SLC25A13: variants seen among roughly 807,000 people sequenced by gnomAD.
The protein encoded by SLC25A13 is solute carrier family 25 member 13.
Under a neutral mutation model 85.5 loss-of-function variants are expected in SLC25A13, and 70 were observed. That is an observed-to-expected ratio of 0.82 (90% confidence interval 0.68 to 1.00). The LOEUF (loss-of-function observed/expected upper bound fraction) is 1.00, where lower values mean the gene tolerates loss of function less well. SLC25A13 is among the 50% of genes least tolerant of loss of function. SLC25A13 has a pLI of 0.00. For synonymous variants in SLC25A13, 259 were observed against 288.7 expected, an observed-to-expected ratio of 0.90 and a Z score of 1.04; for missense variants, 765 against 819.8, an observed-to-expected ratio of 0.93 and a Z score of 0.82.
chr7:96,184,248 C>G, intron 11 of SLC25A13, 29 bp downstream of exon 11: 1 of 1,613,592 alleles, frequency 6.2e-7, no homozygotes, highest in Non-Finnish European at 8.5e-7. Context: ...GTTATTTCAC[C>G]TAACAGGTAT....
At chr7:96,156,806 C>G (rs551475251) in intron 13 of SLC25A13, among the ~76,000 whole-genome samples, 2 of 152,136 alleles carry the variant, frequency 1.3e-5, no homozygotes, top group African/African-American at 4.8e-5. Context: ...CTCGGCCTAC[C>G]AAAGTGCTGG....
intron 12 of SLC25A13, 94 bp from the exon 13 acceptor site, chr7:96,170,219 T>TC: frequency 9.2e-7 from 1 of 1,087,096 alleles, no homozygotes; most frequent in Non-Finnish European, 1.4e-6. Flanking sequence ...GCTATTTTTT[T>TC]CTATCAGTCT....
intron 13 of SLC25A13, among the ~76,000 whole-genome samples, chr7:96,151,927 A>G (rs1483742483): frequency 6.6e-6 from 1 of 152,248 alleles, no homozygotes; most frequent in Non-Finnish European, 1.5e-5. Flanking sequence ...CCTGAGTGAC[A>G]AAGCAAGACT....
rs577055233 is a variant in SLC25A13 at position 96,191,140 on chromosome 7, A to C, written c.723T>G (p.Ala241=). ...ELIRKIYSTL[A]GTRKDVEVTK... ...TCACTTCAACATCTTTCCTGGTGCCAGCCAGAGTGCTATAGATCTTTCTAA... is the reference window on the plus strand; with the variant it reads ...TCACTTCAACATCTTTCCTGGTGCCCGCCAGAGTGCTATAGATCTTTCTAA... Residue 241 remains alanine (A), a synonymous_variant, in exon 7 of 18, where the codon GCT becomes GCG. Transcript: ENST00000265631. The C allele has an allele frequency of 3.1e-6, 5 of 1,614,006 alleles. No individual in the cohort carries two copies. Among genetic ancestry groups the C allele is most frequent in the Non-Finnish European group, 4.2e-6 (5 of 1,180,000 alleles).
intron 14 of SLC25A13, among the ~76,000 whole-genome samples, 178 bp downstream of exon 14, chr7:96,146,378 A>G (rs932388552): frequency 3.3e-5 from 5 of 152,088 alleles, no homozygotes; most frequent in Non-Finnish European, 7.4e-5. Flanking sequence ...GTTTTTTGGC[A>G]GATGGCAGGA....
At chr7:96,252,332 G>A (rs944017219) in intron 3 of SLC25A13, among the ~76,000 whole-genome samples, 2 of 152,276 alleles carry the variant, frequency 1.3e-5, no homozygotes, top group African/African-American at 4.8e-5. Context: ...AGAAAAGAAG[G>A]AAGCAAGGAT....
intron 3 of SLC25A13, among the ~76,000 whole-genome samples, chr7:96,272,248 A>G (rs946929596): frequency 6.6e-5 from 10 of 152,046 alleles, no homozygotes; most frequent in Admixed American, 2.6e-4. Flanking sequence ...AGGTCTTCCA[A>G]TTCTATCAAA....
intron 5 of SLC25A13, among the ~76,000 whole-genome samples, chr7:96,202,657 A>C (rs1472953827): frequency 6.6e-6 from 1 of 152,192 alleles, no homozygotes; most frequent in Non-Finnish European, 1.5e-5. Context: ...CAAAAAACCC[A>C]ACTATACAGG....
At chr7:96,204,922 T>C (rs1168946688) in intron 5 of SLC25A13, among the ~76,000 whole-genome samples, 3 of 152,172 alleles carry the variant, frequency 2.0e-5, no homozygotes, top group African/African-American at 7.2e-5. Context: ...TTTATTTATT[T>C]TTTTGAGACA....
At chr7:96,270,568 A>G (rs115488591) in intron 3 of SLC25A13, among the ~76,000 whole-genome samples, 3,167 of 152,116 alleles carry the variant, frequency 0.021, 73 homozygotes, top group African/African-American at 0.055. Context: ...AAAAAAAAAA[A>G]AGAGAAATAT....
intron 3 of SLC25A13, among the ~76,000 whole-genome samples, chr7:96,260,919 A>T (rs1797829238): frequency 6.6e-6 from 1 of 152,210 alleles, no homozygotes; most frequent in East Asian, 1.9e-4. Flanking sequence ...AAACCCTCCA[A>T]TGACTTCTAC....
chr7:96,281,335 G>A (rs1361799442), intron 2 of SLC25A13, among the ~76,000 whole-genome samples: 2 of 148,808 alleles, frequency 1.3e-5, no homozygotes, highest in Non-Finnish European at 3.0e-5. Context: ...AAGTTGCAGT[G>A]AGCTGAGACC....
At chr7:96,251,188 A>G (rs962652357) in intron 3 of SLC25A13, among the ~76,000 whole-genome samples, 2 of 152,198 alleles carry the variant, frequency 1.3e-5, no homozygotes, top group African/African-American at 4.8e-5. Flanking sequence ...GGTGGGACCA[A>G]GCACGGCAAG....
chr7:96,136,962 T>C (rs1213625823), intron 14 of SLC25A13, among the ~76,000 whole-genome samples: 2 of 152,206 alleles, frequency 1.3e-5, no homozygotes, highest in African/African-American at 4.8e-5. Flanking sequence ...CAGCCCTCTT[T>C]TCCTACCTTA....
At chr7:96,178,207 G>A (rs1253398987) in intron 11 of SLC25A13, among the ~76,000 whole-genome samples, 1 of 152,174 alleles carries the variant, frequency 6.6e-6, no homozygotes, top group African/African-American at 2.4e-5. Flanking sequence ...GAAGGCGCAG[G>A]GTCAGGAGTG....
intron 15 of SLC25A13, among the ~76,000 whole-genome samples, chr7:96,131,311 TCTA>T (rs1792019978): frequency 6.6e-6 from 1 of 152,230 alleles, no homozygotes; most frequent in African/African-American, 2.4e-5. Flanking sequence ...CTTTTCTGGT[TCTA>T]CTACATTTCT....
At chr7:96,252,020 T>G (rs1797447888) in intron 3 of SLC25A13, among the ~76,000 whole-genome samples, 1 of 152,202 alleles carries the variant, frequency 6.6e-6, no homozygotes, top group Admixed American at 6.5e-5. Context: ...GGAAACGTCT[T>G]TATATTTTTT....
chr7:96,307,488 G>A (rs1018220437), intron 1 of SLC25A13, among the ~76,000 whole-genome samples: 2 of 151,796 alleles, frequency 1.3e-5, no homozygotes, highest in African/African-American at 4.8e-5. Flanking sequence ...ACTGTTGGTT[G>A]AGACCGCAGT....
intron 14 of SLC25A13, among the ~76,000 whole-genome samples, chr7:96,132,239 C>T (rs1223036933): frequency 6.6e-6 from 1 of 152,100 alleles, no homozygotes; most frequent in South Asian, 2.1e-4. Flanking sequence ...TCTGGTCTCA[C>T]CAAAGACGGG....
Sources: allele counts gnomAD v4.1 joint callset (sites outside exome capture counted in the v4.1 genomes callset), GRCh38; gene constraint gnomAD v4.1.1; transcripts MANE v1.5; gene names NCBI Gene and HGNC (gene_info 2026-07-23, HGNC 2026-07-21).